Variants in TPRG1 observed in about 807,000 individuals in gnomAD.
TPRG1 encodes tumor protein p63-regulated gene 1 protein.
A neutral mutation model predicts 29.3 loss-of-function variants in TPRG1; 29 were observed. That is an observed-to-expected ratio of 0.99 (90% CI 0.74 to 1.35). The LOEUF is 1.35. Ranked by LOEUF, TPRG1 falls within the 40% of genes most tolerant of loss-of-function variation. The probability of loss-of-function intolerance (pLI) is 0.00; values close to 1 mark genes in which losing one functional copy is unlikely to be tolerated. For missense variants in TPRG1, 327 were observed against 335.0 expected (o/e 0.98, Z 0.19); for synonymous variants, 130 against 116.8 (o/e 1.11, Z -0.73).
Position 189,219,518 on chromosome 3 carries a change from G to GGA in TPRG1, c.302+4135_302+4136insGA. The GGA allele has an allele frequency of 3.1e-6, 3 of 957,288 alleles. No individual in the cohort carries two copies. The African/African-American group carries it at 5.7e-5, about 18-fold the overall frequency. The allele number at this position is 957,288 out of a possible 1,614,324, so 59.3% of individuals were successfully genotyped here. A position where few individuals can be genotyped will look rare whatever the true frequency, so the allele number is the denominator to read the frequency against. ...TATTACCTTTCTTATTGGCCCTTCTGAAAAAAAAAAAAAAAGATTATTTTA... is the reference window on the plus strand; with the variant it reads ...TATTACCTTTCTTATTGGCCCTTCTGGAAAAAAAAAAAAAAAAGATTATTTTA... On this transcript the variant is annotated intron_variant, in intron 3 of 5. Transcript: ENST00000345063.
intron 1 of TPRG1, among the ~76,000 whole-genome samples, chr3:189,199,233 A>G (rs16864075): frequency 0.042 from 6,346 of 152,274 alleles, 190 homozygotes; most frequent in Middle Eastern, 0.078. Flanking sequence ...GTGACCTTAC[A>G]GCTTTTGAAT....
intron 1 of TPRG1, among the ~76,000 whole-genome samples, chr3:189,105,580 A>G (rs1199552885): frequency 6.6e-6 from 1 of 152,120 alleles, no homozygotes; most frequent in East Asian, 1.9e-4. Flanking sequence ...GGGTCAAGAT[A>G]GCATCTCCCT....
At chr3:189,119,250 C>T (rs951386654) in intron 1 of TPRG1, among the ~76,000 whole-genome samples, 2 of 152,170 alleles carry the variant, frequency 1.3e-5, no homozygotes, top group African/African-American at 4.8e-5. Context: ...CTTGTTTTGG[C>T]CAATTTCTCC....
At chr3:189,085,574 T>C (rs1179326577) in intron 4 of TPRG1, among the ~76,000 whole-genome samples, 1 of 151,810 alleles carries the variant, frequency 6.6e-6, no homozygotes, top group Non-Finnish European at 1.5e-5. Context: ...CCTGGGAGAG[T>C]CCTAATTAAT....
At chr3:189,021,546 G>A (rs1348645554) in intron 3 of TPRG1, among the ~76,000 whole-genome samples, 1 of 152,116 alleles carries the variant, frequency 6.6e-6, no homozygotes. Context: ...CTTTAAGAAT[G>A]TTGAATATTA....
chr3:189,003,625 T>C (rs1433465285), intron 2 of TPRG1, among the ~76,000 whole-genome samples: 1 of 152,144 alleles, frequency 6.6e-6, no homozygotes, highest in African/African-American at 2.4e-5. Context: ...ATTTGTATAA[T>C]GTACTCTCCT....
At chr3:189,205,846 A>T (rs1734242455) in intron 1 of TPRG1, among the ~76,000 whole-genome samples, 2 of 152,244 alleles carry the variant, frequency 1.3e-5, no homozygotes, top group African/African-American at 4.8e-5. Context: ...TGTGATCATT[A>T]CTAGCACCCA....
rs553507157 is a variant in TPRG1, at chr3:189,019,841, G to A, written c.-659-3909G>A. 8.9e-3 allele frequency among the ~76,000 whole-genome samples: 1,321 copies of A among 149,192 alleles called. 17 individuals are homozygous for A. The highest frequency in any genetic ancestry group is 0.03 in the African/African-American group (1,206 of 40,556). On this transcript the variant is annotated intron_variant, in intron 3 of 10. Transcript: ENST00000433971. ...CCTCCTTGTACCTCTGGTAGAATTC[G>A]GCTGTGAATCCATCTGGTCCTGGAC... is the stretch of plus-strand genomic sequence containing the variant.
chr3:189,160,958 A>C (rs939908289), intron 5 of TPRG1, among the ~76,000 whole-genome samples: 2 of 152,198 alleles, frequency 1.3e-5, no homozygotes, highest in African/African-American at 4.8e-5. Flanking sequence ...GGCAAAATTG[A>C]AAAGGTGCCT....
At chr3:189,225,839 T>C (rs1353213799) in intron 3 of TPRG1, among the ~76,000 whole-genome samples, 4 of 152,160 alleles carry the variant, frequency 2.6e-5, no homozygotes, top group Admixed American at 6.5e-5. Flanking sequence ...CTGTGGTTTC[T>C]GAAATGCTTT....
At chr3:189,054,447 A>C (rs1715526730) in intron 4 of TPRG1, among the ~76,000 whole-genome samples, 1 of 151,018 alleles carries the variant, frequency 6.6e-6, no homozygotes, top group South Asian at 2.1e-4. Context: ...AAGCCACTGC[A>C]TCTAGCCTGT....
At chr3:189,274,037 A>T (rs1413469057) in intron 4 of TPRG1, among the ~76,000 whole-genome samples, 1 of 152,046 alleles carries the variant, frequency 6.6e-6, no homozygotes, top group African/African-American at 2.4e-5. Context: ...GAATGGCCTC[A>T]TGACAGGCTA....
chr3:189,321,665 A>G lies in TPRG1; in HGVS notation c.*845A>G, dbSNP rs940914361. ...CCCTACTCCAAGGCTGACTGTTTCA[A>G]TCTATCCTACACTTGGTTTCTAGCT... On this transcript the variant is annotated 3_prime_UTR_variant, in exon 6 of 6. Coordinates refer to ENST00000345063, the MANE Select transcript of TPRG1 (RefSeq NM_198485.4). The G allele has an allele frequency of 2.6e-5, 4 of 152,126 alleles. No homozygotes were observed. The highest frequency in any genetic ancestry group is 6.6e-5 in the Admixed American group (1 of 15,248). 9.4% of individuals were successfully genotyped at this position (152,126 alleles called of 1,614,324 possible).
At chr3:189,030,195 C>A (rs925843706) in intron 4 of TPRG1, among the ~76,000 whole-genome samples, 2 of 151,948 alleles carry the variant, frequency 1.3e-5, no homozygotes, top group Admixed American at 6.6e-5. Flanking sequence ...TAGATGTGGG[C>A]GACTTTATTT....
intron 3 of TPRG1, among the ~76,000 whole-genome samples, chr3:189,137,128 T>G (rs1723848068): frequency 6.6e-6 from 1 of 152,210 alleles, no homozygotes; most frequent in Non-Finnish European, 1.5e-5. Context: ...AATCCAAGAC[T>G]GTGATTTTGC....
chr3:189,199,235 C>T (rs1040156062), intron 1 of TPRG1, among the ~76,000 whole-genome samples: 1 of 152,176 alleles, frequency 6.6e-6, no homozygotes, highest in Non-Finnish European at 1.5e-5. Context: ...GACCTTACAG[C>T]TTTTGAATCA....
chr3:189,216,795 C>T (rs762065194), intron 3 of TPRG1, among the ~76,000 whole-genome samples: 6 of 152,164 alleles, frequency 3.9e-5, no homozygotes, highest in African/African-American at 1.4e-4. Flanking sequence ...TTTACCAACA[C>T]GCATTTCATT....
chr3:189,220,642 G>C (rs978246662), intron 3 of TPRG1, among the ~76,000 whole-genome samples: 22 of 152,084 alleles, frequency 1.4e-4, no homozygotes, highest in Non-Finnish European at 4.4e-5. Flanking sequence ...ATGTGTCCAT[G>C]TGTTCTCATC....
intron 4 of TPRG1, among the ~76,000 whole-genome samples, chr3:189,294,223 TAAAAG>T (rs901027928): frequency 3.3e-5 from 5 of 152,152 alleles, no homozygotes; most frequent in African/African-American, 1.2e-4. Flanking sequence ...TGGAGAATGA[TAAAAG>T]GGAAGAGATC....
Sources: gnomAD v4.1 joint callset for allele counts (sites outside exome capture counted in the v4.1 genomes callset) on GRCh38, gnomAD v4.1.1 for gene constraint, MANE v1.5 for transcripts, NCBI Gene and HGNC (gene_info 2026-07-23, HGNC 2026-07-21) for gene names.